The following AHCY variants were observed in gnomAD, a reference collection of about 807,000 sequenced individuals.
The protein encoded by AHCY is adenosylhomocysteinase.
AHCY carries 24 observed loss-of-function variants against 45.4 expected under a neutral mutation model. The ratio of observed to expected loss-of-function variants is 0.53; its 90% confidence interval spans 0.38 to 0.74. AHCY has a LOEUF of 0.74. Ranked by LOEUF, AHCY falls within the 30% of genes least tolerant of loss-of-function variation. The probability of loss-of-function intolerance (pLI) is 0.00; values close to 1 mark genes in which losing one functional copy is unlikely to be tolerated. For missense variants in AHCY, 449 were observed against 594.1 expected (o/e 0.76, Z 2.54); for synonymous variants, 245 against 235.1 (o/e 1.04, Z -0.39).
chr20:34,278,634 T>C (rs1361929567), downstream of AHCY, among the ~76,000 whole-genome samples: 1 of 152,108 alleles, frequency 6.6e-6, no homozygotes, highest in Non-Finnish European at 1.5e-5. Flanking sequence ...CTTGCTGGTG[T>C]GGAAGGGGCT....
downstream of AHCY, among the ~76,000 whole-genome samples, chr20:34,279,272 T>A (rs1378760098): frequency 6.6e-6 from 1 of 150,490 alleles, no homozygotes; most frequent in Non-Finnish European, 1.5e-5. Context: ...CAAAAAAAAA[T>A]TTGCCGGGCG....
At chr20:34,307,406 C>T (rs1351154273), upstream of AHCY, among the ~76,000 whole-genome samples, 4 of 151,806 alleles carry the variant, frequency 2.6e-5, no homozygotes, top group Non-Finnish European at 5.9e-5. Context: ...GAGTTTCGCT[C>T]TTGTTGCCCA....
At position 34,292,349 on chromosome 20, in the gene AHCY, C is replaced by G; in HGVS notation, c.445+9G>C. On this transcript the variant is annotated intron_variant, in intron 4 of 9. Coordinates refer to ENST00000217426, the MANE Select transcript of AHCY (RefSeq NM_000687.4). ...CCAGCACCCAGCCCACCTGCCCCGC[C>G]CTGCTCACCTGGCAGAAGCTGCGGG... The G allele has an allele frequency of 6.2e-7, 1 of 1,612,562 alleles. No individual in the cohort carries two copies. The highest frequency in any genetic ancestry group is 2.2e-5 in the East Asian group (1 of 44,886).
chr20:34,286,514 G>A (rs186745105), intron 8 of AHCY: 1 of 152,286 alleles, frequency 6.6e-6, no homozygotes, highest in East Asian at 1.9e-4. Context: ...GCTCACATTG[G>A]AATCACCTCA....
At chr20:34,283,040 G>A (rs17091701) in intron 9 of AHCY, among the ~76,000 whole-genome samples, 13,544 of 152,230 alleles carry the variant, frequency 0.089, 1,988 homozygotes, top group African/African-American at 0.31. Context: ...AGAAGGTGAT[G>A]TGCTCAGCAG....
At chr20:34,245,759 C>T in the AHCY span, among the ~76,000 whole-genome samples, 6 of 151,778 alleles carry the variant, frequency 4.0e-5, no homozygotes, top group Admixed American at 3.9e-4. Context: ...GTTTATTTGA[C>T]TTTGGCAATT....
chr20:34,294,000 T>C, intron 3 of AHCY, 81 bp downstream of exon 3: 1 of 1,401,586 alleles, frequency 7.1e-7, no homozygotes, highest in Admixed American at 1.8e-5. Context: ...TGTAAGGAAG[T>C]CTGTTGCTCT....
At chr20:34,253,297 G>C in the AHCY span, among the ~76,000 whole-genome samples, 1 of 150,970 alleles carries the variant, frequency 6.6e-6, no homozygotes, top group Non-Finnish European at 1.5e-5. Flanking sequence ...TAGTAGAGAC[G>C]GGGTTTCACC....
At chr20:34,294,896 T>C (rs892973892) in intron 2 of AHCY, among the ~76,000 whole-genome samples, 2 of 152,220 alleles carry the variant, frequency 1.3e-5, no homozygotes, top group Non-Finnish European at 2.9e-5. Flanking sequence ...GACTCAGCCC[T>C]GAGCCCCTCT....
chr20:34,303,443 G>C, upstream of AHCY: 1 of 917,970 alleles, frequency 1.1e-6, no homozygotes, highest in Non-Finnish European at 1.7e-6. Flanking sequence ...GCGCAGGGCG[G>C]AGCCGGAGGG....
chr20:34,242,487 C>T, the AHCY span, among the ~76,000 whole-genome samples: 1 of 152,212 alleles, frequency 6.6e-6, no homozygotes, highest in African/African-American at 2.4e-5. Context: ...CCCACCTCAG[C>T]CTCCCAAAGT....
the AHCY span, among the ~76,000 whole-genome samples, chr20:34,244,656 G>A: frequency 6.6e-6 from 1 of 152,114 alleles, no homozygotes; most frequent in South Asian, 2.1e-4. Context: ...TCATCCATAA[G>A]TTTTACGCAA....
the AHCY span, among the ~76,000 whole-genome samples, chr20:34,258,673 C>CCA: frequency 2.2e-4 from 1 of 4,606 alleles, no homozygotes; most frequent in African/African-American, 3.8e-4. Flanking sequence ...AAGGGGGATG[C>CCA]CATATATATA....
chr20:34,257,873 G>A, the AHCY span, among the ~76,000 whole-genome samples: 9 of 152,338 alleles, frequency 5.9e-5, no homozygotes, highest in African/African-American at 2.2e-4. Context: ...GCTGGGTGCG[G>A]TGGCTCACAC....
chr20:34,233,169 A>G, the AHCY span, among the ~76,000 whole-genome samples: 1 of 110,028 alleles, frequency 9.1e-6, no homozygotes, highest in South Asian at 2.6e-4. Context: ...TTTTTTTGAT[A>G]CAGAGTCTCG....
the AHCY span, among the ~76,000 whole-genome samples, chr20:34,237,622 T>C: frequency 2.0e-5 from 3 of 152,346 alleles, no homozygotes; most frequent in Non-Finnish European, 4.4e-5. Context: ...TCCTTCCTTT[T>C]TAATGCGGAT....
the AHCY span, chr20:34,246,498 C>A: frequency 1.5e-6 from 2 of 1,358,842 alleles, no homozygotes; most frequent in Non-Finnish European, 2.1e-6. Flanking sequence ...TTCCTTGGGT[C>A]TCCTTTGCAA....
intron 1 of AHCY, among the ~76,000 whole-genome samples, chr20:34,301,392 A>C (rs990329923): frequency 8.5e-5 from 13 of 152,130 alleles, no homozygotes; most frequent in African/African-American, 2.9e-4. Flanking sequence ...CTCCAAAGGC[A>C]CAGGAGAGGC....
chr20:34,241,727 C>T, the AHCY span, among the ~76,000 whole-genome samples: 1 of 152,094 alleles, frequency 6.6e-6, no homozygotes, highest in African/African-American at 2.4e-5. Flanking sequence ...TAGCAGTAAA[C>T]GAATAAATAA....
Sources: allele counts gnomAD v4.1 joint callset (sites outside exome capture counted in the v4.1 genomes callset), GRCh38; gene constraint gnomAD v4.1.1; transcripts MANE v1.5; gene names NCBI Gene and HGNC (gene_info 2026-07-23, HGNC 2026-07-21).